CMSS1: variants seen among roughly 807,000 people sequenced by gnomAD.
CMSS1 encodes cms1 ribosomal small subunit homolog.
In CMSS1, 33 loss-of-function variants were observed where a neutral mutation model predicts 43.5. That is an observed-to-expected ratio of 0.76 (90% confidence interval 0.57 to 1.01). The LOEUF (loss-of-function observed/expected upper bound fraction) is 1.01. Among genes scored for constraint, CMSS1 ranks in the 50% least tolerant of loss-of-function variants. The pLI, the probability that CMSS1 is intolerant of heterozygous loss-of-function variation, is 0.00. For missense variants in CMSS1, 313 were observed against 326.4 expected (o/e 0.96, Z 0.32); for synonymous variants, 115 against 117.2 (o/e 0.98, Z 0.12).
chr3:99,874,899 G>GTTATCT (rs1282246980), intron 1 of CMSS1, among the ~76,000 whole-genome samples: 9 of 152,154 alleles, frequency 5.9e-5, no homozygotes, highest in Admixed American at 1.3e-4. Context: ...CCTCCAAACA[G>GTTATCT]TTATCTTATA....
intron 1 of CMSS1, among the ~76,000 whole-genome samples, chr3:100,036,305 G>A (rs1248436104): frequency 1.3e-5 from 2 of 152,068 alleles, no homozygotes; most frequent in African/African-American, 4.8e-5. Flanking sequence ...CTGCAGGGCT[G>A]TTGGAGGAAA....
chr3:100,145,052 A>G (rs753190743), intron 1 of CMSS1, among the ~76,000 whole-genome samples: 1 of 152,158 alleles, frequency 6.6e-6, no homozygotes, highest in Non-Finnish European at 1.5e-5. Context: ...TTTAATGACA[A>G]TTTAATTGTT....
At chr3:99,951,377 G>A (rs897552442) in intron 1 of CMSS1, among the ~76,000 whole-genome samples, 5 of 151,986 alleles carry the variant, frequency 3.3e-5, no homozygotes, top group African/African-American at 7.3e-5. Context: ...GGTACAGGAC[G>A]TGGTCTGTTT....
chr3:99,999,203 G>A (rs1709772636), intron 1 of CMSS1, among the ~76,000 whole-genome samples: 1 of 152,158 alleles, frequency 6.6e-6, no homozygotes, highest in Non-Finnish European at 1.5e-5. Context: ...TCTAGGTGAG[G>A]AAGCATATTT....
intron 1 of CMSS1, among the ~76,000 whole-genome samples, chr3:100,105,555 G>A (rs1450144260): frequency 2.0e-5 from 3 of 152,164 alleles, no homozygotes; most frequent in East Asian, 1.9e-4. Context: ...AAGATTAACC[G>A]AAAACATAGC....
At chr3:99,833,249 G>T (rs781670917) in intron 1 of CMSS1, 2 of 1,612,300 alleles carry the variant, frequency 1.2e-6, no homozygotes, top group East Asian at 4.5e-5. Context: ...TGAGGCAGAA[G>T]AAGTGGTTCC....
chr3:100,035,902 A>G (rs960823084), intron 1 of CMSS1, among the ~76,000 whole-genome samples: 1 of 152,168 alleles, frequency 6.6e-6, no homozygotes, highest in African/African-American at 2.4e-5. Flanking sequence ...TGGATGGTCT[A>G]TTATGTGATT....
chr3:100,081,041 G>A (rs1049785954), intron 1 of CMSS1, among the ~76,000 whole-genome samples: 11 of 152,156 alleles, frequency 7.2e-5, no homozygotes, highest in Non-Finnish European at 1.6e-4. Flanking sequence ...TGTAATGAAG[G>A]TGTTATTTTA....
intron 1 of CMSS1, among the ~76,000 whole-genome samples, chr3:100,019,716 G>A (rs900509172): frequency 3.3e-5 from 5 of 152,072 alleles, no homozygotes; most frequent in African/African-American, 1.2e-4. Context: ...GCTGATGTAT[G>A]TTTGTGTAAG....
chr3:99,953,528 C>T (rs534458882), intron 1 of CMSS1, among the ~76,000 whole-genome samples: 13 of 152,252 alleles, frequency 8.5e-5, no homozygotes, highest in Admixed American at 2.6e-4. Context: ...TTTCATGCCA[C>T]GTTGGACCAT....
chr3:99,997,600 G>A (rs891526502), intron 1 of CMSS1, among the ~76,000 whole-genome samples: 12 of 152,144 alleles, frequency 7.9e-5, no homozygotes, highest in African/African-American at 2.4e-4. Context: ...GGGCAGGGTG[G>A]GAAGGATAGC....
intron 1 of CMSS1, among the ~76,000 whole-genome samples, chr3:99,901,419 CA>C (rs1331350916): frequency 1.3e-5 from 2 of 152,140 alleles, no homozygotes; most frequent in African/African-American, 4.8e-5. Context: ...CATGTCAAAA[CA>C]ATGCACTTTT....
intron 1 of CMSS1, chr3:99,930,133 T>A: frequency 1.1e-6 from 1 of 893,476 alleles, no homozygotes; most frequent in Non-Finnish European, 1.7e-6. Flanking sequence ...CTTTCAAATC[T>A]AAATGAATCA....
At position 100,051,024 on chromosome 3, in the gene CMSS1, AC is replaced by A. The variant is rs572864925; in HGVS notation, c.65-95946del. On this transcript the variant is annotated intron_variant, in intron 1 of 9. Transcript: ENST00000421999. ...AGTTTCTTCTTGCAAACAATCTTAT[AC>A]CCACCTTCAATAGAGAAATCACATA... 1.1e-4 allele frequency among the ~76,000 whole-genome samples: 17 copies of A among 152,214 alleles called. 1 individual carries two copies. The East Asian group carries it at 3.1e-3, about 28-fold the overall frequency.
chr3:99,856,232 A>G (rs1943958780), intron 1 of CMSS1, among the ~76,000 whole-genome samples: 1 of 152,254 alleles, frequency 6.6e-6, no homozygotes, highest in South Asian at 2.1e-4. Context: ...GATGCACTTG[A>G]TAAGAGTTTG....
chr3:100,178,615 C>T lies in CMSS1; in HGVS notation c.*227C>T, dbSNP rs1001822396. Reference sequence around the variant, plus strand: ...CGGCTTGTGTATGATCCTTGTTGAGCGGACCGTGTTTTTCTGTCACCAACT... The same window carrying T: ...CGGCTTGTGTATGATCCTTGTTGAGTGGACCGTGTTTTTCTGTCACCAACT... On this transcript the variant is annotated 3_prime_UTR_variant, in exon 10 of 10. Coordinates refer to ENST00000421999, the MANE Select transcript of CMSS1 (RefSeq NM_032359.4). 9 of 403,112 alleles carry T rather than the reference C, an allele frequency of 2.2e-5. No homozygotes were observed. The highest frequency in any genetic ancestry group is 8.3e-5 in the East Asian group (2 of 23,978). 25.0% of individuals were successfully genotyped at this position (403,112 alleles called of 1,614,324 possible).
At chr3:100,075,663 T>G (rs893135761) in intron 1 of CMSS1, 1 of 151,992 alleles carries the variant, frequency 6.6e-6, no homozygotes, top group African/African-American at 2.4e-5. Context: ...TGAAGCAACA[T>G]CTATAATATA....
At chr3:100,094,293 GTTAAGTT>G (rs2066163318) in intron 1 of CMSS1, among the ~76,000 whole-genome samples, 1 of 151,948 alleles carries the variant, frequency 6.6e-6, no homozygotes, top group Non-Finnish European at 1.5e-5. Context: ...GTTCTTTATT[GTTAAGTT>G]TTAAGAGTTC....
intron 1 of CMSS1, among the ~76,000 whole-genome samples, chr3:100,018,384 A>G (rs1040657977): frequency 2.0e-5 from 3 of 152,026 alleles, no homozygotes; most frequent in African/African-American, 4.8e-5. Flanking sequence ...GAGAAATTAA[A>G]CTGCAGTGTT....
Sources: gnomAD v4.1 joint callset for allele counts (sites outside exome capture counted in the v4.1 genomes callset) on GRCh38, gnomAD v4.1.1 for gene constraint, MANE v1.5 for transcripts, NCBI Gene and HGNC (gene_info 2026-07-23, HGNC 2026-07-21) for gene names.